The following KAZN variants were observed in gnomAD, a reference collection of about 807,000 sequenced individuals.
KAZN encodes kazrin.
KAZN carries 40 observed loss-of-function variants against 87.4 expected under a neutral mutation model. The ratio of observed to expected loss-of-function variants is 0.46; its 90% CI spans 0.36 to 0.60. The LOEUF (loss-of-function observed/expected upper bound fraction) is 0.60. KAZN is among the 20% of genes least tolerant of loss of function. The probability of loss-of-function intolerance (pLI) is 0.00; values close to 1 mark genes in which losing one functional copy is unlikely to be tolerated. For missense variants in KAZN, 898 were observed against 1,073.9 expected, an observed-to-expected ratio of 0.84 and a Z score of 2.29; for synonymous variants, 466 against 458.3, an observed-to-expected ratio of 1.02 and a Z score of -0.22.
intron 2 of KAZN, among the ~76,000 whole-genome samples, chr1:14,518,058 T>G (rs1178730717): frequency 6.6e-6 from 1 of 152,198 alleles, no homozygotes; most frequent in Non-Finnish European, 1.5e-5. Context: ...GGTCTGCCAC[T>G]GACTGGCTAC....
chr1:14,407,312 A>T (rs1473990816), intron 2 of KAZN, among the ~76,000 whole-genome samples: 1 of 152,146 alleles, frequency 6.6e-6, no homozygotes, highest in Non-Finnish European at 1.5e-5. Context: ...TATAAGATTG[A>T]GCTAAATTAT....
chr1:14,962,522 C>T lies in KAZN; in HGVS notation c.418+1647C>T, dbSNP rs144586430. Among the ~76,000 whole-genome samples, 1,016 of 147,110 alleles carry T rather than the reference C, an allele frequency of 6.9e-3. 6 individuals are homozygous for T. Among genetic ancestry groups the T allele is most frequent in the Non-Finnish European group, 0.011 (707 of 64,256 alleles). ...GTGAGCCATCCTCCACGCCCAGCTT[C>T]CCAGGATCCTGTAATATCCATTCTC... On this transcript the variant is annotated intron_variant, in intron 2 of 14. Coordinates refer to ENST00000376030, the MANE Select transcript of KAZN (RefSeq NM_201628.3).
At chr1:14,399,393 A>T (rs1256593959) in intron 2 of KAZN, among the ~76,000 whole-genome samples, 1 of 152,136 alleles carries the variant, frequency 6.6e-6, no homozygotes, top group African/African-American at 2.4e-5. Flanking sequence ...TACCAACTAC[A>T]TGTCTTAGGT....
At chr1:14,666,787 G>A (rs1639582599) in intron 1 of KAZN, among the ~76,000 whole-genome samples, 1 of 152,092 alleles carries the variant, frequency 6.6e-6, no homozygotes, top group Non-Finnish European at 1.5e-5. Context: ...CGCCAAGCTG[G>A]AGTGCAGTGG....
intron 1 of KAZN, among the ~76,000 whole-genome samples, chr1:14,086,781 T>C (rs1643869127): frequency 6.6e-6 from 1 of 152,218 alleles, no homozygotes; most frequent in African/African-American, 2.4e-5. Context: ...TATCCAATTG[T>C]TCGAGGATAA....
chr1:14,077,651 TG>T (rs1055297090), intron 1 of KAZN, among the ~76,000 whole-genome samples: 2 of 152,240 alleles, frequency 1.3e-5, no homozygotes, highest in Non-Finnish European at 2.9e-5. Context: ...ATAATTGTTA[TG>T]GGTTGAATTG....
At chr1:14,022,044 C>T (rs75890819) in intron 1 of KAZN, among the ~76,000 whole-genome samples, 3,866 of 142,646 alleles carry the variant, frequency 0.027, 165 homozygotes, top group African/African-American at 0.092. Flanking sequence ...TGATGTCAGC[C>T]GGATTACCCA....
intron 1 of KAZN, among the ~76,000 whole-genome samples, chr1:14,646,616 T>C (rs965185581): frequency 3.3e-5 from 5 of 152,098 alleles, no homozygotes; most frequent in African/African-American, 9.7e-5. Flanking sequence ...CTATGCCTTG[T>C]AGGGGGCTTA....
At chr1:14,963,475 G>C (rs1664120902) in intron 2 of KAZN, among the ~76,000 whole-genome samples, 1 of 152,202 alleles carries the variant, frequency 6.6e-6, no homozygotes, top group Admixed American at 6.5e-5. Context: ...TATGGTCGCA[G>C]GGAAGGAAGT....
chr1:14,200,587 T>C (rs1367403949), intron 2 of KAZN, among the ~76,000 whole-genome samples: 1 of 152,232 alleles, frequency 6.6e-6, no homozygotes, highest in African/African-American at 2.4e-5. Context: ...TTGTAATATA[T>C]TGGTAACATA....
At chr1:14,161,320 G>A (rs1157482080) in intron 1 of KAZN, among the ~76,000 whole-genome samples, 2 of 152,312 alleles carry the variant, frequency 1.3e-5, no homozygotes, top group Middle Eastern at 3.4e-3. Flanking sequence ...CTGGCTCCCT[G>A]TCTCTCATGA....
chr1:14,047,333 A>G (rs1642118954), intron 1 of KAZN, among the ~76,000 whole-genome samples: 2 of 152,174 alleles, frequency 1.3e-5, no homozygotes, highest in African/African-American at 4.8e-5. Flanking sequence ...TTAATCTTCA[A>G]TATTTACTCC....
chr1:14,422,289 G>T (rs899634513), intron 2 of KAZN, among the ~76,000 whole-genome samples: 2 of 152,178 alleles, frequency 1.3e-5, no homozygotes, highest in African/African-American at 4.8e-5. Flanking sequence ...TCAGCTATCT[G>T]CCCTAAAAAC....
chr1:15,069,613 C>T (rs1265319346), intron 8 of KAZN, among the ~76,000 whole-genome samples: 3 of 152,146 alleles, frequency 2.0e-5, no homozygotes, highest in African/African-American at 7.2e-5. Context: ...GGTGACAGAG[C>T]GAGACTCTGT....
chr1:14,840,142 C>T (rs192799824), intron 1 of KAZN, among the ~76,000 whole-genome samples: 269 of 152,280 alleles, frequency 1.8e-3, no homozygotes, highest in African/African-American at 6.0e-3. Flanking sequence ...AATCCCTTTT[C>T]ATTCTTAATA....
chr1:15,047,096 G>A (rs1477949862), intron 4 of KAZN, among the ~76,000 whole-genome samples: 1 of 152,226 alleles, frequency 6.6e-6, no homozygotes, highest in African/African-American at 2.4e-5. Flanking sequence ...ATCTGCCCGT[G>A]TGAATGTTGG....
intron 1 of KAZN, among the ~76,000 whole-genome samples, chr1:13,894,343 G>A (rs1638952728): frequency 6.6e-6 from 1 of 152,022 alleles, no homozygotes; most frequent in East Asian, 1.9e-4. Flanking sequence ...AGATTGGCAT[G>A]GGCTGCGGGC....
chr1:14,410,189 C>T (rs924238482), intron 2 of KAZN, among the ~76,000 whole-genome samples: 2 of 152,172 alleles, frequency 1.3e-5, no homozygotes, highest in Admixed American at 6.5e-5. Flanking sequence ...CTGCAACCTC[C>T]GACTACCGGG....
intron 2 of KAZN, among the ~76,000 whole-genome samples, chr1:14,991,959 T>C (rs1453091985): frequency 3.3e-5 from 5 of 152,208 alleles, no homozygotes; most frequent in Non-Finnish European, 2.9e-5. Context: ...CTTTCTCTGA[T>C]GGACTGTGGG....
Sources: gnomAD v4.1 joint callset for allele counts (sites outside exome capture counted in the v4.1 genomes callset) on GRCh38, gnomAD v4.1.1 for gene constraint, MANE v1.5 for transcripts, NCBI Gene and HGNC (gene_info 2026-07-23, HGNC 2026-07-21) for gene names.